The following DHX36 variants were observed in gnomAD, a reference collection of about 807,000 sequenced individuals.
The protein encoded by DHX36 is DEAH-box helicase 36.
DHX36 carries 50 observed loss-of-function variants against 139.0 expected under a neutral mutation model. The observed-to-expected ratio is 0.36, with a 90% CI of 0.29 to 0.46. The LOEUF (loss-of-function observed/expected upper bound fraction) is 0.46. Ranked by LOEUF, DHX36 falls within the 20% of genes least tolerant of loss-of-function variation. The probability of loss-of-function intolerance (pLI) is 1.00; values close to 1 mark genes in which losing one functional copy is unlikely to be tolerated. For missense variants in DHX36, 1,024 were observed against 1,211.3 expected (o/e 0.85, Z 2.29); for synonymous variants, 425 against 401.9 (o/e 1.06, Z -0.69).
At chr3:154,316,966 G>A (rs987431513) in intron 1 of DHX36, among the ~76,000 whole-genome samples, 1 of 152,042 alleles carries the variant, frequency 6.6e-6, no homozygotes, top group South Asian at 2.1e-4. Flanking sequence ...GGAAACACAC[G>A]CGGAGTGGTG....
rs373266114 is a variant in DHX36 at position 154,314,686 on chromosome 3, A to AAGG, written c.603+359_603+360insCCT. On this transcript the variant is annotated intron_variant, in intron 3 of 24. Coordinates refer to ENST00000496811, the MANE Select transcript of DHX36 (RefSeq NM_020865.3). The stretch of plus-strand genomic sequence containing the variant: ...ATTTAATTTTATCATCTATAAAAAG[A>AAGG]AGATGTATTAAGTAATCTGGAACAA... 3.2e-3 allele frequency: 528 copies of AAGG among 164,606 alleles called. 3 individuals carry two copies. Among genetic ancestry groups the AAGG allele is most frequent in the African/African-American group, 0.012 (503 of 42,012 alleles). 10.2% of individuals were successfully genotyped at this position (164,606 alleles called of 1,614,324 possible). A position where few individuals can be genotyped will look rare whatever the true frequency, so the allele number is the denominator to read the frequency against.
intron 9 of DHX36, 65 bp from the exon 10 acceptor site, chr3:154,301,192 G>A: frequency 6.9e-7 from 1 of 1,442,290 alleles, no homozygotes; most frequent in South Asian, 1.4e-5. Flanking sequence ...TAAAATCTGT[G>A]ACATTTTATA....
intron 1 of DHX36, among the ~76,000 whole-genome samples, chr3:154,320,198 T>G (rs946066729): frequency 1.3e-5 from 2 of 152,196 alleles, no homozygotes; most frequent in African/African-American, 4.8e-5. Flanking sequence ...ACACCTTATT[T>G]TTCTCTTCTC....
In DHX36 at chr3:154,283,224, A is replaced by G. The variant is rs750498843; in HGVS notation, c.2340T>C (p.Tyr780=). The change falls in exon 20 of 25, where the codon TAT becomes TAC. Residue 780 remains tyrosine (Y), a synonymous_variant. Transcript: ENST00000496811. ...TTGAAGACAGAAAATATTCCCAGCAATAGTCCTTTTCGTATCTGAAACCAC... is the reference window on the plus strand; with the variant it reads ...TTGAAGACAGAAAATATTCCCAGCAGTAGTCCTTTTCGTATCTGAAACCAC... ...RRRGFRYEKD[Y]CWEYFLSSNT... The G allele has an allele frequency of 1.2e-6, 2 of 1,613,886 alleles. No homozygotes were observed. The highest frequency in any genetic ancestry group is 1.7e-5 in the Admixed American group (1 of 60,024).
At chr3:154,322,735 A>G (rs1051110167) in intron 1 of DHX36, among the ~76,000 whole-genome samples, 3 of 152,198 alleles carry the variant, frequency 2.0e-5, no homozygotes, top group African/African-American at 7.2e-5. Context: ...CTGTTTAGGT[A>G]TTATTTTCTC....
rs1712261621 is a variant in DHX36 at position 154,301,190 on chromosome 3, G to T, written c.1218-63C>A. On this transcript the variant is annotated intron_variant, in intron 9 of 24. Coordinates refer to ENST00000496811, the MANE Select transcript of DHX36 (RefSeq NM_020865.3). ...GAAACTCTAGTTTTAGCTAAAATCT[G>T]TGACATTTTATATTTAGGATTTTCA... The T allele has an allele frequency of 7.6e-6, 11 of 1,453,534 alleles. No homozygotes were observed. In the South Asian group the frequency reaches 1.4e-4, roughly 18 times the overall value. The allele number at this position is 1,453,534 out of a possible 1,614,324, so 90.0% of individuals were successfully genotyped here.
At chr3:154,277,574 T>A (rs1719190572) in intron 23 of DHX36, 24 bp downstream of exon 23, 1 of 1,581,028 alleles carries the variant, frequency 6.3e-7, no homozygotes. Flanking sequence ...ATCAGATCCT[T>A]AATTATTTTA....
chr3:154,300,271 T>C (rs1008686572), intron 11 of DHX36, among the ~76,000 whole-genome samples: 2 of 152,196 alleles, frequency 1.3e-5, no homozygotes, highest in African/African-American at 4.8e-5. Flanking sequence ...TTTTGCCACA[T>C]TGGCCAGGCT....
Position 154,289,728 on chromosome 3 carries a change from T to C in DHX36, c.1913A>G (p.Glu638Gly). 6.2e-7 allele frequency: 1 copy of C among 1,606,208 alleles called. No homozygotes were observed. The highest frequency in any genetic ancestry group is 8.5e-7 in the Non-Finnish European group (1 of 1,173,278). ...ATTTACCTTTATTTGTAAACAAAGT[T>C]CTTCCAAAGGAGTTCTCAAAATTTC... is the stretch of plus-strand genomic sequence containing the variant. ...LPEILRTPLE[E>G]LCLQIKILRL... Residue 638 changes from glutamate to glycine, a missense_variant, in exon 16 of 25, where the codon GAA becomes GGA. By Grantham distance (98) the Glu-to-Gly change is moderately conservative. Around this residue, in one of 4 missense-constraint regions of DHX36, gnomAD observed 470 missense variants for 616.2 expected, o/e 0.76. Coordinates refer to ENST00000496811, the MANE Select transcript of DHX36 (RefSeq NM_020865.3).
At chr3:154,319,791 C>A (rs1713121702) in intron 1 of DHX36, among the ~76,000 whole-genome samples, 1 of 152,170 alleles carries the variant, frequency 6.6e-6, no homozygotes, top group Non-Finnish European at 1.5e-5. Flanking sequence ...ATTTGGCCCA[C>A]TTTGATTTGC....
chr3:154,299,587 A>G, intron 12 of DHX36: 1 of 423,606 alleles, frequency 2.4e-6, no homozygotes, highest in East Asian at 5.3e-5. Context: ...ACACTGGGCC[A>G]AGGGATTTCT....
At chr3:154,309,518 T>C (rs1233514401) in intron 5 of DHX36, 135 bp downstream of exon 5, 1 of 633,610 alleles carries the variant, frequency 1.6e-6, no homozygotes, top group Non-Finnish European at 2.4e-6. Flanking sequence ...TTATTAAACA[T>C]GTTAAGCAAC....
chr3:154,284,519 T>C (rs1427972924), intron 19 of DHX36, 64 bp downstream of exon 19: 10 of 1,360,988 alleles, frequency 7.3e-6, no homozygotes, highest in Non-Finnish European at 9.1e-6. Context: ...ATGATCCTTA[T>C]TCTATTATTA....
At chr3:154,298,890 G>A (rs1172752920) in intron 12 of DHX36, among the ~76,000 whole-genome samples, 1 of 152,098 alleles carries the variant, frequency 6.6e-6, no homozygotes, top group African/African-American at 2.4e-5. Flanking sequence ...CTCCAGCCTG[G>A]GCAAGAGAGT....
chr3:154,305,375 ATAATGT>A (rs1712458065), intron 6 of DHX36: 1 of 484,256 alleles, frequency 2.1e-6, no homozygotes. Context: ...TGTCATTGAT[ATAATGT>A]TAATTTCTTT....
At chr3:154,283,839 A>C (rs1268131953) in intron 19 of DHX36, among the ~76,000 whole-genome samples, 1 of 152,134 alleles carries the variant, frequency 6.6e-6, no homozygotes, top group Non-Finnish European at 1.5e-5. Context: ...CCTCAGATAC[A>C]CGTGGCTTTT....
In DHX36 at chr3:154,292,618, T is replaced by C. The variant is rs1405027474; in HGVS notation, c.1747A>G (p.Ile583Val). 1.9e-6 allele frequency: 3 copies of C among 1,613,952 alleles called. No individual in the cohort carries two copies. Among genetic ancestry groups the C allele is most frequent in the Non-Finnish European group, 2.5e-6 (3 of 1,180,012 alleles). The change falls in exon 15 of 25, where the codon ATC (isoleucine) becomes GTC (valine). Residue 583 changes from isoleucine (I) to valine (V), a missense_variant. By Grantham distance (29) the Ile-to-Val change is conservative. Transcript: ENST00000496811. ...KETHFDTQNN[I>V]STMSAEWVSK... ...ACCCACTCAGCGGACATTGTACTGATATTGTTCTGAGTATCAAAATGCGTC... is the reference window on the plus strand; with the variant it reads ...ACCCACTCAGCGGACATTGTACTGACATTGTTCTGAGTATCAAAATGCGTC...
chr3:154,278,129 C>T (rs1265969639), intron 22 of DHX36, among the ~76,000 whole-genome samples: 2 of 152,054 alleles, frequency 1.3e-5, no homozygotes, highest in African/African-American at 4.8e-5. Flanking sequence ...TTTACTATGA[C>T]AATCATAATA....
Position 154,285,000 on chromosome 3 carries a change from A to C in DHX36, c.2032-13T>G, listed in dbSNP as rs1206040549. On this transcript the variant is annotated splice_polypyrimidine_tract_variant and intron_variant, in intron 17 of 24. Coordinates refer to ENST00000496811, the MANE Select transcript of DHX36 (RefSeq NM_020865.3). ...TATCCAAAGCGTTCTGTAAAGGAAG[A>C]GTGTGTGTTTAAAATAGATCCTGTA... 1 of 1,613,808 alleles carries C rather than the reference A, an allele frequency of 6.2e-7. No homozygotes were observed. The highest frequency in any genetic ancestry group is 8.5e-7 in the Non-Finnish European group (1 of 1,179,866).
Sources: gnomAD v4.1 joint callset for allele counts (sites outside exome capture counted in the v4.1 genomes callset) on GRCh38, gnomAD v4.1.1 for gene constraint, gnomAD v4.1.1 regional missense constraint, MANE v1.5 for transcripts, NCBI Gene and HGNC (gene_info 2026-07-23, HGNC 2026-07-21) for gene names.